Variants in PTPRT observed in about 807,000 individuals in gnomAD.
The protein encoded by PTPRT is receptor-type tyrosine-protein phosphatase T.
In PTPRT, 56 loss-of-function variants were observed where a neutral mutation model predicts 176.8. The ratio of observed to expected loss-of-function variants is 0.32; its 90% CI spans 0.26 to 0.40. PTPRT has a LOEUF of 0.40. Ranked by LOEUF, PTPRT falls within the 10% of genes least tolerant of loss-of-function variation. PTPRT has a pLI of 1.00. For missense variants in PTPRT, 1,540 were observed against 1,908.2 expected, an observed-to-expected ratio of 0.81 and a Z score of 3.60; for synonymous variants, 783 against 739.0, an observed-to-expected ratio of 1.06 and a Z score of -0.96.
At chr20:42,965,773 T>C (rs1982257413) in intron 1 of PTPRT, among the ~76,000 whole-genome samples, 1 of 152,192 alleles carries the variant, frequency 6.6e-6, no homozygotes. Flanking sequence ...AATTCATCTA[T>C]ACATTTAAGA....
At chr20:43,135,907 T>C (rs1247589338) in intron 1 of PTPRT, among the ~76,000 whole-genome samples, 2 of 152,246 alleles carry the variant, frequency 1.3e-5, no homozygotes, top group East Asian at 3.8e-4. Flanking sequence ...AATTTTAGAA[T>C]GCCTTCTCTC....
At chr20:42,654,598 A>G (rs2145979957) in intron 7 of PTPRT, among the ~76,000 whole-genome samples, 1 of 152,344 alleles carries the variant, frequency 6.6e-6, no homozygotes, top group South Asian at 2.1e-4. Flanking sequence ...ACACATCCAG[A>G]CAATACCAGC....
At chr20:42,093,880 GTGA>G (rs1329718589) in intron 27 of PTPRT, among the ~76,000 whole-genome samples, 1 of 152,252 alleles carries the variant, frequency 6.6e-6, no homozygotes, top group Non-Finnish European at 1.5e-5. Context: ...AGCTGCTGCG[GTGA>G]TGATATTTAT....
intron 18 of PTPRT, among the ~76,000 whole-genome samples, chr20:42,130,595 T>C (rs1988079548): frequency 6.6e-6 from 1 of 152,168 alleles, no homozygotes; most frequent in African/African-American, 2.4e-5. Flanking sequence ...ATGGGTCCTA[T>C]TATGGACAAA....
At chr20:42,851,227 A>G (rs1434957171) in intron 2 of PTPRT, among the ~76,000 whole-genome samples, 1 of 152,176 alleles carries the variant, frequency 6.6e-6, no homozygotes, top group Non-Finnish European at 1.5e-5. Flanking sequence ...TTTATGTTGC[A>G]TAATAAATAG....
intron 6 of PTPRT, among the ~76,000 whole-genome samples, chr20:42,714,565 C>G (rs1017829774): frequency 6.6e-6 from 1 of 152,222 alleles, no homozygotes. Flanking sequence ...CTGGCCACAA[C>G]TGACTAACTG....
At chr20:42,275,087 A>G (rs1322681635) in intron 13 of PTPRT, among the ~76,000 whole-genome samples, 1 of 152,166 alleles carries the variant, frequency 6.6e-6, no homozygotes, top group Non-Finnish European at 1.5e-5. Flanking sequence ...GATGACCACT[A>G]TTTATTTAGT....
chr20:42,321,836 C>G (rs542154066), intron 11 of PTPRT, among the ~76,000 whole-genome samples: 3 of 152,240 alleles, frequency 2.0e-5, no homozygotes, highest in Middle Eastern at 3.4e-3. Context: ...GTAATCCCAG[C>G]ACTTTGGGAG....
chr20:43,061,065 T>C (rs1488309518), intron 1 of PTPRT, among the ~76,000 whole-genome samples: 1 of 149,182 alleles, frequency 6.7e-6, no homozygotes, highest in Non-Finnish European at 1.5e-5. Context: ...GGAGGGTGGG[T>C]GAGTGGATGG....
chr20:42,877,338 TATTC>T lies in PTPRT; in HGVS notation c.214+8465_214+8468del, dbSNP rs568751860. On this transcript the variant is annotated intron_variant, in intron 2 of 30. Coordinates refer to ENST00000373187, the MANE Select transcript of PTPRT (RefSeq NM_007050.6). Reference sequence around the variant, plus strand: ...GTCCACCTGCTGCATCCAGGTTACCTATTCAGCCACACCCAGGCTGCCAGGAAAT... The same window carrying T: ...GTCCACCTGCTGCATCCAGGTTACCTAGCCACACCCAGGCTGCCAGGAAAT... Among the ~76,000 whole-genome samples, 81 of 152,212 alleles carry T rather than the reference TATTC, an allele frequency of 5.3e-4. 1 individual carries two copies. In the Middle Eastern group the frequency reaches 0.027, roughly 51 times the overall value.
chr20:42,312,368 T>C (rs1048869676), intron 12 of PTPRT, among the ~76,000 whole-genome samples: 1 of 152,158 alleles, frequency 6.6e-6, no homozygotes, highest in Non-Finnish European at 1.5e-5. Flanking sequence ...AGGCTTAACA[T>C]CATTGTCTGC....
intron 17 of PTPRT, among the ~76,000 whole-genome samples, chr20:42,145,179 C>T (rs553228640): frequency 2.0e-5 from 3 of 152,248 alleles, no homozygotes; most frequent in South Asian, 4.1e-4. Context: ...ATGGTCATGG[C>T]TATGTTCAAA....
chr20:42,939,215 A>G (rs1273420691), intron 1 of PTPRT, among the ~76,000 whole-genome samples: 1 of 152,210 alleles, frequency 6.6e-6, no homozygotes, highest in African/African-American at 2.4e-5. Flanking sequence ...GTCAATTTCA[A>G]TGGGATGTCA....
chr20:43,005,737 G>A (rs1984819900), intron 1 of PTPRT, among the ~76,000 whole-genome samples: 1 of 152,162 alleles, frequency 6.6e-6, no homozygotes, highest in African/African-American at 2.4e-5. Flanking sequence ...TCTGGTAAAT[G>A]AATAATTGAA....
At chr20:42,400,159 T>C (rs1175845824) in intron 9 of PTPRT, among the ~76,000 whole-genome samples, 2 of 151,602 alleles carry the variant, frequency 1.3e-5, no homozygotes, top group African/African-American at 4.8e-5. Flanking sequence ...TTCTTTTTAC[T>C]AAAGAGACAG....
At chr20:43,042,848 C>A (rs1568749853) in intron 1 of PTPRT, among the ~76,000 whole-genome samples, 1 of 152,064 alleles carries the variant, frequency 6.6e-6, no homozygotes, top group South Asian at 2.1e-4. Flanking sequence ...ATTTGAGCTT[C>A]TGGCATCTCA....
intron 2 of PTPRT, among the ~76,000 whole-genome samples, chr20:42,867,295 A>G (rs2078762852): frequency 6.6e-6 from 1 of 152,156 alleles, no homozygotes; most frequent in Non-Finnish European, 1.5e-5. Flanking sequence ...CCATATCAGA[A>G]TGCTAGTCAC....
chr20:42,280,186 C>A (rs955504887), intron 13 of PTPRT, among the ~76,000 whole-genome samples: 1 of 152,136 alleles, frequency 6.6e-6, no homozygotes, highest in Non-Finnish European at 1.5e-5. Flanking sequence ...AAACTCCTCA[C>A]GGGCAGTGGA....
chr20:42,210,439 C>A (rs1190691323), intron 15 of PTPRT, among the ~76,000 whole-genome samples: 1 of 152,064 alleles, frequency 6.6e-6, no homozygotes, highest in Admixed American at 6.6e-5. Context: ...TGATAAGCAA[C>A]TTCAGCAAAG....
Sources: allele counts gnomAD v4.1 joint callset (sites outside exome capture counted in the v4.1 genomes callset), GRCh38; gene constraint gnomAD v4.1.1; transcripts MANE v1.5; gene names NCBI Gene and HGNC (gene_info 2026-07-23, HGNC 2026-07-21).